CAMTA1: variants seen among roughly 807,000 people sequenced by gnomAD.
CAMTA1 encodes the protein calmodulin binding transcription activator 1.
In CAMTA1, 27 loss-of-function variants were observed where a neutral mutation model predicts 170.9. The observed-to-expected ratio is 0.16, with a 90% CI of 0.12 to 0.22. The LOEUF (loss-of-function observed/expected upper bound fraction) is 0.22, where lower values mean the gene tolerates loss of function less well. Ranked by LOEUF, CAMTA1 falls within the 10% of genes least tolerant of loss-of-function variation. The pLI is 1.00. For synonymous variants in CAMTA1, 833 were observed against 891.5 expected (o/e 0.93, Z 1.17); for missense variants, 1,619 against 2,217.2 (o/e 0.73, Z 5.42).
chr1:7,530,978 G>A (rs1415259592), intron 6 of CAMTA1, among the ~76,000 whole-genome samples: 1 of 151,746 alleles, frequency 6.6e-6, no homozygotes, highest in Admixed American at 6.6e-5. Flanking sequence ...CACCATGCCC[G>A]GCTAATTTTT....
At chr1:6,856,778 T>C (rs1404229143) in intron 3 of CAMTA1, among the ~76,000 whole-genome samples, 1 of 152,088 alleles carries the variant, frequency 6.6e-6, no homozygotes, top group Non-Finnish European at 1.5e-5. Context: ...GAAAGTGATA[T>C]TTTTATGATG....
intron 4 of CAMTA1, among the ~76,000 whole-genome samples, chr1:7,161,545 G>T (rs1474505404): frequency 1.3e-5 from 2 of 152,174 alleles, no homozygotes; most frequent in African/African-American, 2.4e-5. Context: ...AGTCTCAGGA[G>T]ATTGGATGGT....
chr1:7,407,345 G>T (rs961622735), intron 5 of CAMTA1, among the ~76,000 whole-genome samples: 1 of 152,176 alleles, frequency 6.6e-6, no homozygotes, highest in Non-Finnish European at 1.5e-5. Context: ...GAGGGCACAG[G>T]CTGTCTTGGG....
intron 3 of CAMTA1, among the ~76,000 whole-genome samples, chr1:6,845,861 A>G (rs1657882147): frequency 6.6e-6 from 1 of 152,240 alleles, no homozygotes; most frequent in South Asian, 2.1e-4. Context: ...TAGTAAAGAC[A>G]TACCTGAGAC....
intron 6 of CAMTA1, among the ~76,000 whole-genome samples, chr1:7,516,611 A>G (rs1204133665): frequency 6.6e-6 from 1 of 152,066 alleles, no homozygotes; most frequent in Non-Finnish European, 1.5e-5. Flanking sequence ...CATGTTCTTC[A>G]TTTCTCCACC....
chr1:6,997,716 A>G (rs1404269877), intron 3 of CAMTA1, among the ~76,000 whole-genome samples: 1 of 138,594 alleles, frequency 7.2e-6, no homozygotes, highest in Non-Finnish European at 1.5e-5. Context: ...GCTGGAGTGC[A>G]GTGGCTCGAT....
intron 5 of CAMTA1, among the ~76,000 whole-genome samples, chr1:7,341,225 G>C (rs2083803316): frequency 6.6e-6 from 1 of 152,350 alleles, no homozygotes; most frequent in African/African-American, 2.4e-5. Flanking sequence ...GCTTCCCCAT[G>C]GCTGGAATAG....
At chr1:7,766,433 G>A in intron 22 of CAMTA1, 26 bp from the exon 23 acceptor site, 1 of 1,612,668 alleles carries the variant, frequency 6.2e-7, no homozygotes, top group African/African-American at 1.3e-5. Context: ...GTTATCGCCT[G>A]CTGTTTTGTT....
chr1:7,315,613 G>A (rs1486054552), intron 5 of CAMTA1, among the ~76,000 whole-genome samples: 1 of 152,190 alleles, frequency 6.6e-6, no homozygotes, highest in African/African-American at 2.4e-5. Context: ...TCCTGAGGCT[G>A]CCTTAACAAA....
intron 4 of CAMTA1, among the ~76,000 whole-genome samples, chr1:7,241,530 T>A (rs1664852758): frequency 6.6e-6 from 1 of 152,248 alleles, no homozygotes; most frequent in South Asian, 2.1e-4. Context: ...GGAGGACTTA[T>A]AGTCCCGGAT....
intron 3 of CAMTA1, among the ~76,000 whole-genome samples, chr1:7,055,485 C>T (rs1707165214): frequency 6.6e-6 from 1 of 152,186 alleles, no homozygotes; most frequent in African/African-American, 2.4e-5. Flanking sequence ...AAAGAACACA[C>T]AAAAGAGACT....
intron 16 of CAMTA1, among the ~76,000 whole-genome samples, chr1:7,741,820 T>A (rs10864313): frequency 5.3e-5 from 8 of 151,616 alleles, no homozygotes; most frequent in Admixed American, 1.3e-4. Context: ...GCTTGAACCC[T>A]GGAGGTGGAG....
intron 6 of CAMTA1, among the ~76,000 whole-genome samples, chr1:7,615,484 G>T (rs2095553187): frequency 6.6e-6 from 1 of 152,204 alleles, no homozygotes; most frequent in Non-Finnish European, 1.5e-5. Context: ...GCCATAAAAT[G>T]GGACTAAAAG....
chr1:7,557,702 G>A (rs1264705464), intron 6 of CAMTA1, among the ~76,000 whole-genome samples: 5 of 152,190 alleles, frequency 3.3e-5, no homozygotes, highest in African/African-American at 7.2e-5. Flanking sequence ...GGCACCTACC[G>A]TGTGCCAGGC....
Position 7,310,643 on chromosome 1 carries a change from T to TCTTTCTTTCTTTCTTTCTTTCTTTTTTC in CAMTA1, c.438+61021_438+61022insCTTTCTTTCTTTCTTTCTTTTTTCCTTT, listed in dbSNP as rs1553129306. 1.2e-3 allele frequency among the ~76,000 whole-genome samples: 34 copies of TCTTTCTTTCTTTCTTTCTTTCTTTTTTC among 29,414 alleles called. 1 individual carries two copies. The highest frequency in any genetic ancestry group is 3.5e-3 in the African/African-American group (27 of 7,644). The allele number at this position is 29,414 out of a possible 152,430, so 19.3% of individuals were successfully genotyped here. On this transcript the variant is annotated intron_variant, in intron 5 of 22. Coordinates refer to ENST00000303635, the MANE Select transcript of CAMTA1 (RefSeq NM_015215.4). Reference sequence around the variant, plus strand: ...TTCTTTCTTTCTTTCTTTCTTTCTTTCTTTTTTCTTTCTTTCTTTCTTTCT... The same window carrying TCTTTCTTTCTTTCTTTCTTTCTTTTTTC: ...TTCTTTCTTTCTTTCTTTCTTTCTTTCTTTCTTTCTTTCTTTCTTTCTTTTTTCCTTTTTTCTTTCTTTCTTTCTTTCT...
intron 16 of CAMTA1, 41 bp from the exon 17 acceptor site, chr1:7,744,794 T>A: frequency 6.4e-7 from 1 of 1,571,604 alleles, no homozygotes. Flanking sequence ...ACTTGTAAGG[T>A]TCCTTTCTAA....
rs902097314 is a variant in CAMTA1 at position 7,561,137 on chromosome 1, A to G, written c.511-79263A>G. Among the ~76,000 whole-genome samples the G allele has an allele frequency of 2.6e-5, 4 of 152,098 alleles. No homozygotes were observed. The highest frequency in any genetic ancestry group is 5.9e-5 in the Non-Finnish European group (4 of 68,010). On this transcript the variant is annotated intron_variant, in intron 6 of 22. Coordinates refer to ENST00000303635, the MANE Select transcript of CAMTA1 (RefSeq NM_015215.4). The surrounding 1 kb of genome is among the most constrained non-coding windows in gnomAD (Gnocchi z 5.3). ...AACGCCCAAGAATCCAGGCATGGCC[A>G]GGGGCTGGCCGAGGGGGGCCGGTGG... is the stretch of plus-strand genomic sequence containing the variant.
intron 3 of CAMTA1, among the ~76,000 whole-genome samples, chr1:6,944,437 C>T (rs1278891041): frequency 6.6e-6 from 1 of 152,178 alleles, no homozygotes; most frequent in Non-Finnish European, 1.5e-5. Context: ...GTCCCCAGGA[C>T]CTGTACACCC....
At chr1:7,181,859 AC>A (rs1652234952) in intron 4 of CAMTA1, among the ~76,000 whole-genome samples, 1 of 152,148 alleles carries the variant, frequency 6.6e-6, no homozygotes, top group Non-Finnish European at 1.5e-5. Flanking sequence ...CACAACTGAT[AC>A]TTAAGTTCAT....
Sources: gnomAD v4.1 joint callset for allele counts (sites outside exome capture counted in the v4.1 genomes callset) on GRCh38, gnomAD v4.1.1 for gene constraint, Gnocchi (gnomAD v3.1) non-coding constraint, MANE v1.5 for transcripts, NCBI Gene and HGNC (gene_info 2026-07-23, HGNC 2026-07-21) for gene names.